BICDL1: variants seen among roughly 807,000 people sequenced by gnomAD.
BICDL1 encodes BICD family like cargo adaptor 1, also known as BICD family-like cargo adapter 1.
BICDL1 carries 20 observed loss-of-function variants against 76.8 expected under a neutral mutation model. The ratio of observed to expected loss-of-function variants is 0.26; its 90% CI spans 0.18 to 0.38. The LOEUF (loss-of-function observed/expected upper bound fraction) is 0.38, where lower values mean the gene tolerates loss of function less well. BICDL1 is among the 10% of genes least tolerant of loss of function. The probability of loss-of-function intolerance (pLI) is 1.00; values close to 1 mark genes in which losing one functional copy is unlikely to be tolerated. For synonymous variants in BICDL1, 383 were observed against 337.1 expected (o/e 1.14, Z -1.49); for missense variants, 700 against 798.6 (o/e 0.88, Z 1.49).
At chr12:120,029,468 T>C (rs1469301814) in intron 2 of BICDL1, among the ~76,000 whole-genome samples, 10 of 152,326 alleles carry the variant, frequency 6.6e-5, no homozygotes, top group African/African-American at 2.4e-4. Flanking sequence ...TTTTCAAAAG[T>C]ATTTACAGCA....
chr12:120,087,811 G>T lies in BICDL1; in HGVS notation c.1584-2140G>T, dbSNP rs186631446. On this transcript the variant is annotated intron_variant, in intron 8 of 9. Coordinates refer to ENST00000548673, the MANE Select transcript of BICDL1 (RefSeq NM_001367886.1). ...GGGAAAGGTGAACAAAGTAATACGT[G>T]AAACACAAATGTGAAAATAAAAAAA... 2.0e-5 allele frequency among the ~76,000 whole-genome samples: 3 copies of T among 152,318 alleles called. No individual in the cohort carries two copies. In the East Asian group the frequency reaches 5.8e-4, roughly 29 times the overall value.
At position 120,021,586 on chromosome 12, in the gene BICDL1, CAAAAAAA is replaced by C. The variant is rs145151630; in HGVS notation, c.645+22868_645+22874del. Among the ~76,000 whole-genome samples the C allele has an allele frequency of 7.3e-4, 34 of 46,322 alleles. No individual in the cohort carries two copies. The East Asian group carries it at 8.7e-3, about 12-fold the overall frequency. 30.4% of individuals were successfully genotyped at this position (46,322 alleles called of 152,430 possible). ...TGGGTGACAGAACGAGACTCCATCT[CAAAAAAA>C]AAAAAAAAAAAAAAAAAGAGAATCA... On this transcript the variant is annotated intron_variant, in intron 2 of 9. Transcript: ENST00000548673.
At chr12:120,009,299 A>G (rs1951909518) in intron 2 of BICDL1, among the ~76,000 whole-genome samples, 1 of 152,022 alleles carries the variant, frequency 6.6e-6, no homozygotes, top group Non-Finnish European at 1.5e-5. Flanking sequence ...CCTGTTCTTA[A>G]TTATTTACCG....
intron 7 of BICDL1, among the ~76,000 whole-genome samples, chr12:120,080,424 G>A (rs537824673): frequency 2.6e-5 from 4 of 152,288 alleles, no homozygotes; most frequent in Non-Finnish European, 4.4e-5. Flanking sequence ...GGGCTGTCAC[G>A]GGGGAGCAGG....
At chr12:120,088,754 C>T (rs1477709339) in intron 8 of BICDL1, among the ~76,000 whole-genome samples, 1 of 152,052 alleles carries the variant, frequency 6.6e-6, no homozygotes, top group Non-Finnish European at 1.5e-5. Flanking sequence ...GCAAGCTCCG[C>T]CTCCCGGGTT....
chr12:120,073,846 C>T (rs1007715940), intron 6 of BICDL1, among the ~76,000 whole-genome samples: 5 of 152,202 alleles, frequency 3.3e-5, no homozygotes, highest in African/African-American at 1.2e-4. Flanking sequence ...CACCACACGG[C>T]TTCCTTTCCC....
Position 120,093,245 on chromosome 12 carries a change from C to G in BICDL1, c.*84C>G. ...CAGGCAAGGCCTCCCCTGCAGCTTGCACCTCAGCAGCTGCCCTGCCCCTCA... is the reference window on the plus strand; with the variant it reads ...CAGGCAAGGCCTCCCCTGCAGCTTGGACCTCAGCAGCTGCCCTGCCCCTCA... On this transcript the variant is annotated 3_prime_UTR_variant, in exon 10 of 10. Coordinates refer to ENST00000548673, the MANE Select transcript of BICDL1 (RefSeq NM_001367886.1). 1 of 1,459,310 alleles carries G rather than the reference C, an allele frequency of 6.9e-7. No homozygotes were observed. The highest frequency in any genetic ancestry group is 9.3e-7 in the Non-Finnish European group (1 of 1,071,634). 90.4% of individuals were successfully genotyped at this position (1,459,310 alleles called of 1,614,324 possible). A position where few individuals can be genotyped will look rare whatever the true frequency, so the allele number is the denominator to read the frequency against.
chr12:119,993,663 C>T (rs984041724), intron 1 of BICDL1, among the ~76,000 whole-genome samples: 1 of 150,900 alleles, frequency 6.6e-6, no homozygotes, highest in Non-Finnish European at 1.5e-5. Flanking sequence ...GTTGCCCAGG[C>T]TGGAGTGCAG....
intron 2 of BICDL1, among the ~76,000 whole-genome samples, chr12:120,007,047 C>T (rs1951864080): frequency 1.3e-5 from 2 of 151,518 alleles, no homozygotes; most frequent in Admixed American, 6.6e-5. Flanking sequence ...ACAAGACTTA[C>T]TAATGGAATA....
chr12:120,013,359 C>T (rs1210942419), intron 2 of BICDL1, among the ~76,000 whole-genome samples: 1 of 150,984 alleles, frequency 6.6e-6, no homozygotes. Flanking sequence ...ATTTTATTGT[C>T]ATTTAATGTC....
intron 2 of BICDL1, among the ~76,000 whole-genome samples, chr12:120,052,107 A>AT (rs1045001588): frequency 5.9e-5 from 9 of 151,524 alleles, no homozygotes; most frequent in East Asian, 3.9e-4. Flanking sequence ...CACCCAGCTA[A>AT]TTTTTTTTGT....
intron 2 of BICDL1, among the ~76,000 whole-genome samples, chr12:120,033,811 G>A (rs1409410412): frequency 6.6e-6 from 1 of 152,006 alleles, no homozygotes; most frequent in East Asian, 1.9e-4. Context: ...GATAGATTTA[G>A]GTCAAACATT....
chr12:119,992,175 T>A (rs1183812114), intron 1 of BICDL1, among the ~76,000 whole-genome samples: 1 of 152,206 alleles, frequency 6.6e-6, no homozygotes, highest in Non-Finnish European at 1.5e-5. Flanking sequence ...TTATAAAAAA[T>A]TTTAAAGTTT....
intron 2 of BICDL1, among the ~76,000 whole-genome samples, chr12:120,041,430 T>C (rs1303484620): frequency 6.6e-6 from 1 of 152,212 alleles, no homozygotes; most frequent in Non-Finnish European, 1.5e-5. Flanking sequence ...ATGTTTTCCC[T>C]GCATTCAAAT....
At chr12:120,044,726 G>A (rs1261621422) in intron 2 of BICDL1, among the ~76,000 whole-genome samples, 1 of 151,966 alleles carries the variant, frequency 6.6e-6, no homozygotes, top group African/African-American at 2.4e-5. Context: ...TAGATATGCG[G>A]CGTTATTTCT....
chr12:120,008,416 C>A (rs1208304585), intron 2 of BICDL1, among the ~76,000 whole-genome samples: 1 of 152,118 alleles, frequency 6.6e-6, no homozygotes, highest in East Asian at 1.9e-4. Flanking sequence ...GCCTTGGCCT[C>A]CCAAAATGCT....
intron 4 of BICDL1, among the ~76,000 whole-genome samples, chr12:120,065,763 G>C (rs957936057): frequency 2.6e-5 from 4 of 152,220 alleles, no homozygotes; most frequent in Non-Finnish European, 4.4e-5. Flanking sequence ...CTAGGCCACA[G>C]AAGGTCCCAC....
intron 8 of BICDL1, among the ~76,000 whole-genome samples, chr12:120,088,840 G>A (rs867524585): frequency 1.3e-5 from 2 of 151,336 alleles, no homozygotes; most frequent in Admixed American, 1.3e-4. Flanking sequence ...CTAATTTTTG[G>A]TATTTTTAGT....
chr12:120,072,679 A>G lies in BICDL1; in HGVS notation c.1258A>G (p.Asn420Asp). 1 of 1,614,004 alleles carries G rather than the reference A, an allele frequency of 6.2e-7. No individual in the cohort carries two copies. Among genetic ancestry groups the G allele is most frequent in the Non-Finnish European group, 8.5e-7 (1 of 1,180,044 alleles). The change falls in exon 6 of 10, where the codon AAT becomes GAT. Residue 420 changes from asparagine (N) to aspartate (D), a missense_variant. Asn to Asp is a conservative substitution (Grantham distance 23). Coordinates refer to ENST00000548673, the MANE Select transcript of BICDL1 (RefSeq NM_001367886.1). ...VPAGSLRTAL[N>D]ELKRLIQSIV... The stretch of plus-strand genomic sequence containing the variant: ...AGCCGGCAGCTTGCGCACTGCCCTC[A>G]ATGAGCTCAAGAGACTGATACAGAG...
Sources: gnomAD v4.1 joint callset for allele counts (sites outside exome capture counted in the v4.1 genomes callset) on GRCh38, gnomAD v4.1.1 for gene constraint, MANE v1.5 for transcripts, NCBI Gene and HGNC (gene_info 2026-07-23, HGNC 2026-07-21) for gene names.